Variants in CNTNAP2 observed in about 807,000 individuals in gnomAD.
The protein encoded by CNTNAP2 is contactin-associated protein-like 2.
Under a neutral mutation model 155.2 loss-of-function variants are expected in CNTNAP2, and 98 were observed. The observed-to-expected ratio is 0.63, with a 90% CI of 0.54 to 0.75. The LOEUF (loss-of-function observed/expected upper bound fraction) is 0.75, where lower values mean the gene tolerates loss of function less well. CNTNAP2 is among the 30% of genes least tolerant of loss of function. CNTNAP2 has a pLI of 0.00. For missense variants in CNTNAP2, 1,727 were observed against 1,688.1 expected, an observed-to-expected ratio of 1.02 and a Z score of -0.40; for synonymous variants, 651 against 631.2, an observed-to-expected ratio of 1.03 and a Z score of -0.47.
chr7:146,644,165 C>T (rs147122932), intron 1 of CNTNAP2, among the ~76,000 whole-genome samples: 2 of 152,150 alleles, frequency 1.3e-5, no homozygotes, highest in African/African-American at 2.4e-5. Context: ...CCTTCTCCTG[C>T]CTAATTGCCC....
At chr7:147,008,870 G>A (rs953965498) in intron 3 of CNTNAP2, among the ~76,000 whole-genome samples, 1 of 151,916 alleles carries the variant, frequency 6.6e-6, no homozygotes, top group African/African-American at 2.4e-5. Flanking sequence ...CAAAAATTGA[G>A]AAAGAGGAGA....
intron 8 of CNTNAP2, among the ~76,000 whole-genome samples, chr7:147,133,152 C>T (rs1379683236): frequency 1.3e-5 from 2 of 152,046 alleles, no homozygotes; most frequent in East Asian, 1.9e-4. Context: ...GAATAGACTT[C>T]GCAACCTTGG....
intron 1 of CNTNAP2, among the ~76,000 whole-genome samples, chr7:146,626,292 A>G (rs1155946): frequency 0.02 from 2,969 of 152,246 alleles, 52 homozygotes; most frequent in Middle Eastern, 0.075. Flanking sequence ...CAGTTGCTTA[A>G]TTAATGGTAT....
At chr7:146,719,904 G>A (rs1002321632) in intron 1 of CNTNAP2, among the ~76,000 whole-genome samples, 2 of 152,138 alleles carry the variant, frequency 1.3e-5, no homozygotes, top group Admixed American at 1.3e-4. Context: ...CCCAGTAGGA[G>A]TGCTGGCTTA....
intron 8 of CNTNAP2, among the ~76,000 whole-genome samples, chr7:147,248,310 G>T (rs1563132785): frequency 6.6e-6 from 1 of 152,072 alleles, no homozygotes; most frequent in Non-Finnish European, 1.5e-5. Flanking sequence ...AGTTAAAAGA[G>T]ACTGAGACAA....
chr7:146,200,543 T>C (rs1171576049), intron 1 of CNTNAP2, among the ~76,000 whole-genome samples: 1 of 146,096 alleles, frequency 6.8e-6, no homozygotes, highest in African/African-American at 2.7e-5. Flanking sequence ...CACACACACA[T>C]ATATATACTG....
intron 10 of CNTNAP2, among the ~76,000 whole-genome samples, chr7:147,421,991 G>A (rs1039915278): frequency 4.6e-5 from 7 of 151,520 alleles, no homozygotes; most frequent in Non-Finnish European, 7.4e-5. Flanking sequence ...CCTATAGACC[G>A]TGAGCCAATT....
chr7:147,788,900 CTTTTTTTTTT>C (rs11440955), intron 13 of CNTNAP2, among the ~76,000 whole-genome samples: 12 of 100,746 alleles, frequency 1.2e-4, no homozygotes, highest in South Asian at 1.1e-3. Flanking sequence ...TTTTCTTTTT[CTTTTTTTTTT>C]TTTTTTTTTT....
chr7:147,850,350 C>A (rs561986114), intron 13 of CNTNAP2, among the ~76,000 whole-genome samples: 1 of 152,200 alleles, frequency 6.6e-6, no homozygotes, highest in East Asian at 1.9e-4. Flanking sequence ...CCCAAGGTAA[C>A]TTATAGATTC....
chr7:146,733,865 T>C (rs1801567721), intron 1 of CNTNAP2, among the ~76,000 whole-genome samples: 1 of 152,168 alleles, frequency 6.6e-6, no homozygotes, highest in South Asian at 2.1e-4. Context: ...ATGTCCATGG[T>C]ATGAGAGTTT....
chr7:146,120,962 G>A lies in CNTNAP2; in HGVS notation c.97+3989G>A, dbSNP rs142578830. Among the ~76,000 whole-genome samples the A allele has an allele frequency of 5.1e-3, 773 of 152,114 alleles. 5 individuals are homozygous for A. Among genetic ancestry groups the A allele is most frequent in the African/African-American group, 0.018 (731 of 41,510 alleles). On this transcript the variant is annotated intron_variant, in intron 1 of 23. Transcript: ENST00000361727. ...ACATTTCTCAAAATATATCCTTATT[G>A]TTAGGAAATGCATGATGATATATGT...
chr7:148,351,690 C>A (rs1186437117), intron 21 of CNTNAP2, among the ~76,000 whole-genome samples: 1 of 144,374 alleles, frequency 6.9e-6, no homozygotes, highest in East Asian at 2.1e-4. Context: ...TTGCAGTGAG[C>A]CGAGATCACG....
intron 13 of CNTNAP2, among the ~76,000 whole-genome samples, chr7:147,808,470 G>A (rs1798127408): frequency 6.6e-6 from 1 of 152,114 alleles, no homozygotes. Flanking sequence ...TCCTCCCAAA[G>A]ACTACCATAT....
chr7:146,471,728 T>C (rs1796801975), intron 1 of CNTNAP2, among the ~76,000 whole-genome samples: 1 of 152,252 alleles, frequency 6.6e-6, no homozygotes, highest in East Asian at 1.9e-4. Flanking sequence ...ATTTTAATGA[T>C]AACTATTCAG....
At chr7:147,887,558 T>C (rs1799623210) in intron 13 of CNTNAP2, among the ~76,000 whole-genome samples, 1 of 152,156 alleles carries the variant, frequency 6.6e-6, no homozygotes, top group Admixed American at 6.5e-5. Context: ...CCTTGAGGCC[T>C]AAAATGAAGA....
At chr7:148,152,937 C>A (rs1475295069) in intron 17 of CNTNAP2, among the ~76,000 whole-genome samples, 1 of 137,398 alleles carries the variant, frequency 7.3e-6, no homozygotes. Context: ...AGAAGAATGG[C>A]ATGAACCCGG....
rs372006402 is a variant in CNTNAP2, at chr7:146,782,651, A to G, written c.208+8270A>G. On this transcript the variant is annotated intron_variant, in intron 2 of 23. Transcript: ENST00000361727. ...TCAGGAACTTTTGACAGTGAAAGAG[A>G]GTATCATTAATAGTTACACAAGGAT... is the stretch of plus-strand genomic sequence containing the variant. Among the ~76,000 whole-genome samples the G allele has an allele frequency of 5.9e-5, 9 of 152,332 alleles. No homozygotes were observed. In the East Asian group the frequency reaches 1.7e-3, roughly 29 times the overall value.
At chr7:146,402,026 A>G (rs1373708274) in intron 1 of CNTNAP2, among the ~76,000 whole-genome samples, 1 of 152,178 alleles carries the variant, frequency 6.6e-6, no homozygotes, top group Non-Finnish European at 1.5e-5. Context: ...AGGGCATGAA[A>G]TAAATATAAC....
At chr7:147,275,496 A>T (rs1267061242) in intron 8 of CNTNAP2, among the ~76,000 whole-genome samples, 3 of 152,024 alleles carry the variant, frequency 2.0e-5, no homozygotes, top group Non-Finnish European at 4.4e-5. Context: ...CTATTGGTGT[A>T]TAGAAATGAT....
Sources: gnomAD v4.1 joint callset for allele counts (sites outside exome capture counted in the v4.1 genomes callset) on GRCh38, gnomAD v4.1.1 for gene constraint, MANE v1.5 for transcripts, NCBI Gene and HGNC (gene_info 2026-07-23, HGNC 2026-07-21) for gene names.